PPEF2: variants seen among roughly 807,000 people sequenced by gnomAD.
The protein encoded by PPEF2 is protein phosphatase with EF-hand domain 2, also known as serine/threonine-protein phosphatase with EF-hands 2.
Under a neutral mutation model 84.7 loss-of-function variants are expected in PPEF2, and 84 were observed. The observed-to-expected ratio is 0.99, with a 90% CI of 0.83 to 1.19. The LOEUF (loss-of-function observed/expected upper bound fraction) is 1.19, where lower values mean the gene tolerates loss of function less well. Ranked by LOEUF, PPEF2 falls within the 50% of genes most tolerant of loss-of-function variation. The probability of loss-of-function intolerance (pLI) is 0.00; values close to 1 mark genes in which losing one functional copy is unlikely to be tolerated. For missense variants in PPEF2, 924 were observed against 937.5 expected (o/e 0.99, Z 0.19); for synonymous variants, 346 against 345.2 (o/e 1.00, Z -0.03).
chr4:75,876,352 A>C lies in PPEF2; in HGVS notation c.1255T>G (p.Ser419Ala), dbSNP rs769044870. 19 of 1,613,968 alleles carry C rather than the reference A, an allele frequency of 1.2e-5. No individual in the cohort carries two copies. The East Asian group carries it at 4.2e-4, about 36-fold the overall frequency. Reference protein sequence around the residue: ...VTGEKEEPSRSASEADSEAGE... With the variant: ...VTGEKEEPSRAASEADSEAGE... ...GCTTCAGAGTCTGCTTCTGAGGCTG[A>C]GCGGGAGGGCTCCTCTTTCTCTCCG... Residue 419 changes from serine (S) to alanine (A), a missense_variant, in exon 11 of 17, where the codon TCA becomes GCA. Physicochemically the swap from Ser to Ala is moderately conservative, Grantham distance 99 (BLOSUM62 1). Coordinates refer to ENST00000286719, the MANE Select transcript of PPEF2 (RefSeq NM_006239.3).
At chr4:75,883,732 G>A (rs1169475892) in intron 8 of PPEF2, among the ~76,000 whole-genome samples, 1 of 146,852 alleles carries the variant, frequency 6.8e-6, no homozygotes, top group East Asian at 2.1e-4. Context: ...GCAGGAGAAT[G>A]GTGTGAACCC....
At position 75,876,361 on chromosome 4, in the gene PPEF2, G is replaced by GCTCCTCTTTCTCTCCGGTCACCAGGAGGC; in HGVS notation, c.1217_1245dup (p.Pro416AlafsTer4). On this transcript the variant is annotated stop_gained and frameshift_variant, in exon 11 of 17. Coordinates refer to ENST00000286719, the MANE Select transcript of PPEF2 (RefSeq NM_006239.3). LOFTEE classifies it high-confidence loss of function. ...TCTGCTTCTGAGGCTGAGCGGGAGG[G>GCTCCTCTTTCTCTCCGGTCACCAGGAGGC]CTCCTCTTTCTCTCCGGTCACCAGG... is the stretch of plus-strand genomic sequence containing the variant. The GCTCCTCTTTCTCTCCGGTCACCAGGAGGC allele has an allele frequency of 6.2e-7, 1 of 1,614,072 alleles. No homozygotes were observed. The highest frequency in any genetic ancestry group is 8.5e-7 in the Non-Finnish European group (1 of 1,180,032).
intron 15 of PPEF2, 48 bp downstream of exon 15, chr4:75,866,141 A>G: frequency 6.6e-7 from 1 of 1,525,950 alleles, no homozygotes; most frequent in East Asian, 2.3e-5. Context: ...CTCTCTAAGG[A>G]GTATCATAGT....
chr4:75,867,351 A>G lies in PPEF2; in HGVS notation c.1718T>C (p.Leu573Pro). The change falls in exon 14 of 17, where the codon CTT becomes CCT. Residue 573 changes from leucine to proline, a missense_variant. Coordinates refer to ENST00000286719, the MANE Select transcript of PPEF2 (RefSeq NM_006239.3). Reference protein sequence around the residue: ...REKLFAHSSDLLSEFKKHDAD... With the variant: ...REKLFAHSSDPLSEFKKHDAD... ...ATCATGCTTCTTAAATTCACTGAGA[A>G]GATCTGAAGAATGAGCAAACAGCTT... The G allele has an allele frequency of 6.2e-7, 1 of 1,614,012 alleles. No homozygotes were observed. The highest frequency in any genetic ancestry group is 8.5e-7 in the Non-Finnish European group (1 of 1,179,922).
At chr4:75,863,621 A>G (rs1481616071) in intron 16 of PPEF2, among the ~76,000 whole-genome samples, 1 of 152,110 alleles carries the variant, frequency 6.6e-6, no homozygotes, top group East Asian at 1.9e-4. Context: ...TTTGTGAATT[A>G]TGCCTTAAAA....
chr4:75,863,499 C>T (rs1724055910), intron 16 of PPEF2, among the ~76,000 whole-genome samples: 1 of 113,778 alleles, frequency 8.8e-6, no homozygotes, highest in Non-Finnish European at 1.9e-5. Context: ...GACTCCGTCT[C>T]AAAAAAAAAA....
Position 75,895,336 on chromosome 4 carries a change from G to A in PPEF2, c.55+935C>T, listed in dbSNP as rs184243386. On this transcript the variant is annotated intron_variant, in intron 2 of 16. Transcript: ENST00000286719. Reference sequence around the variant, plus strand: ...CCCAGCTACTTGGGAGGCTGAGGCAGGAGAATCGCTTGAACCCAGGAGGCG... The same window carrying A: ...CCCAGCTACTTGGGAGGCTGAGGCAAGAGAATCGCTTGAACCCAGGAGGCG... 1.0e-3 allele frequency among the ~76,000 whole-genome samples: 158 copies of A among 152,166 alleles called. 2 individuals are homozygous for A. The East Asian group carries it at 0.029, about 28-fold the overall frequency.
At chr4:75,894,413 T>C (rs894250603) in intron 2 of PPEF2, among the ~76,000 whole-genome samples, 7 of 152,222 alleles carry the variant, frequency 4.6e-5, no homozygotes, top group Admixed American at 6.5e-5. Context: ...AATGGCATGC[T>C]TAAGCAGATG....
intron 8 of PPEF2, among the ~76,000 whole-genome samples, chr4:75,884,017 C>T (rs1168435484): frequency 4.6e-5 from 7 of 151,848 alleles, no homozygotes; most frequent in Admixed American, 2.0e-4. Flanking sequence ...CCTGTAATCC[C>T]AGCTACTTGG....
intron 2 of PPEF2, among the ~76,000 whole-genome samples, chr4:75,892,267 G>A (rs1724908154): frequency 6.6e-6 from 1 of 152,222 alleles, no homozygotes; most frequent in Non-Finnish European, 1.5e-5. Context: ...GTATAGGGAT[G>A]AAAAGGTTGG....
chr4:75,883,178 C>A lies in PPEF2; in HGVS notation c.771G>T (p.Met257Ile). The change falls in exon 9 of 17, where the codon ATG becomes ATT. Residue 257 changes from methionine (M) to isoleucine (I), a missense_variant. By Grantham distance (10) the Met-to-Ile change is conservative. Coordinates refer to ENST00000286719, the MANE Select transcript of PPEF2 (RefSeq NM_006239.3). ...NLRYGFTKEV[M>I]NKYKVHGKEI... ...AAAGGCAGCGCACCTTGTATTTATT[C>A]ATCACTTCCTTGGTGAAGCCATATC... is the stretch of plus-strand genomic sequence containing the variant. 1 of 1,613,708 alleles carries A rather than the reference C, an allele frequency of 6.2e-7. No homozygotes were observed. Among genetic ancestry groups the A allele is most frequent in the Non-Finnish European group, 8.5e-7 (1 of 1,179,816 alleles).
chr4:75,895,092 C>T (rs1387902366), intron 2 of PPEF2, among the ~76,000 whole-genome samples: 1 of 151,656 alleles, frequency 6.6e-6, no homozygotes, highest in Non-Finnish European at 1.5e-5. Flanking sequence ...GTGTCTAGGA[C>T]TACAGAGGTG....
chr4:75,882,826 G>GCCATAAT, intron 10 of PPEF2, 100 bp downstream of exon 10: 1 of 1,325,830 alleles, frequency 7.5e-7, no homozygotes, highest in Admixed American at 2.0e-5. Context: ...ACTCTTAACA[G>GCCATAAT]CCATAATCAG....
chr4:75,893,609 G>C (rs1374038570), intron 2 of PPEF2, among the ~76,000 whole-genome samples: 1 of 152,122 alleles, frequency 6.6e-6, no homozygotes, highest in African/African-American at 2.4e-5. Flanking sequence ...CCTCACCCTG[G>C]ACCTGTAACA....
Position 75,864,925 on chromosome 4 carries a change from C to A in PPEF2, c.1921-398G>T, listed in dbSNP as rs534629728. On this transcript the variant is annotated intron_variant, in intron 15 of 16. Transcript: ENST00000286719. ...TTTCATATACACCTTATACATCTAG[C>A]CTGAATGTAATTTTTGTTTGTTTGT... 4.6e-5 allele frequency among the ~76,000 whole-genome samples: 7 copies of A among 152,186 alleles called. No individual in the cohort carries two copies. In the South Asian group the frequency reaches 1.2e-3, roughly 27 times the overall value.
chr4:75,899,384 T>C (rs1321431844), intron 1 of PPEF2, among the ~76,000 whole-genome samples: 1 of 152,166 alleles, frequency 6.6e-6, no homozygotes, highest in Non-Finnish European at 1.5e-5. Flanking sequence ...CAAAGTGTAG[T>C]GGGATTGCTG....
chr4:75,898,499 T>C (rs1725056458), intron 1 of PPEF2, among the ~76,000 whole-genome samples: 1 of 152,262 alleles, frequency 6.6e-6, no homozygotes, highest in African/African-American at 2.4e-5. Context: ...AGAAGCCAGC[T>C]TGACCTGCTC....
At position 75,891,865 on chromosome 4, in the gene PPEF2, GC is replaced by G. The variant is rs1560488089; in HGVS notation, c.168del (p.Gln56HisfsTer29). On this transcript the variant is annotated frameshift_variant, in exon 3 of 17. Transcript: ENST00000286719. LOFTEE classifies it high-confidence loss of function. ...TCTCATTGTACCTTGACTTGGTCTT[GC>G]TGCCCAGCATATTCTATAGACTGGA... ...SIFQSIEYAG[Q>X]QDQVKLHDFF... 1 of 1,612,660 alleles carries G rather than the reference GC, an allele frequency of 6.2e-7. No homozygotes were observed. Among genetic ancestry groups the G allele is most frequent in the East Asian group, 2.2e-5 (1 of 44,800 alleles).
intron 13 of PPEF2, 124 bp from the exon 14 acceptor site, chr4:75,867,543 G>A (rs1724161822): frequency 3.1e-6 from 2 of 647,496 alleles, no homozygotes; most frequent in Admixed American, 2.8e-5. Context: ...AGTTTTCGAG[G>A]GAGAGCGCCT....
Sources: allele counts gnomAD v4.1 joint callset (sites outside exome capture counted in the v4.1 genomes callset), GRCh38; gene constraint gnomAD v4.1.1; transcripts MANE v1.5; gene names NCBI Gene and HGNC (gene_info 2026-07-23, HGNC 2026-07-21).